The following OSBPL6 variants were observed in gnomAD, a reference collection of about 807,000 sequenced individuals.
OSBPL6 encodes the protein oxysterol binding protein like 6.
A neutral mutation model predicts 125.8 loss-of-function variants in OSBPL6; 49 were observed. The ratio of observed to expected loss-of-function variants is 0.39; its 90% confidence interval spans 0.31 to 0.49. OSBPL6 has a LOEUF of 0.49. OSBPL6 is among the 20% of genes least tolerant of loss of function. OSBPL6 has a pLI of 0.88. For synonymous variants in OSBPL6, 394 were observed against 391.8 expected, an observed-to-expected ratio of 1.01 and a Z score of -0.07; for missense variants, 986 against 1,135.4, an observed-to-expected ratio of 0.87 and a Z score of 1.89.
intron 9 of OSBPL6, among the ~76,000 whole-genome samples, chr2:178,337,572 T>A (rs1689801382): frequency 6.6e-6 from 1 of 152,212 alleles, no homozygotes; most frequent in Admixed American, 6.5e-5. Context: ...CAGTAAGTAT[T>A]TCTTAGAGAC....
At chr2:178,390,796 C>T (rs994832937) in intron 21 of OSBPL6, among the ~76,000 whole-genome samples, 2 of 152,142 alleles carry the variant, frequency 1.3e-5, no homozygotes, top group African/African-American at 4.8e-5. Context: ...AAAAAAATTG[C>T]TAGCTTAGAA....
chr2:178,378,514 A>G (rs1694100995), intron 15 of OSBPL6, among the ~76,000 whole-genome samples: 1 of 152,220 alleles, frequency 6.6e-6, no homozygotes, highest in Non-Finnish European at 1.5e-5. Flanking sequence ...TGCTTCCACA[A>G]TAATCTATTT....
chr2:178,275,647 G>A (rs1376291866), intron 1 of OSBPL6, among the ~76,000 whole-genome samples: 3 of 151,994 alleles, frequency 2.0e-5, no homozygotes, highest in African/African-American at 4.8e-5. Context: ...TTGAGGAGAC[G>A]GATTGAGTAG....
At chr2:178,288,588 G>C (rs1364661750) in intron 2 of OSBPL6, among the ~76,000 whole-genome samples, 1 of 151,720 alleles carries the variant, frequency 6.6e-6, no homozygotes, top group Non-Finnish European at 1.5e-5. Context: ...GGGAAAAAAA[G>C]GAGTATACTG....
chr2:178,236,495 G>A (rs1406857856), intron 1 of OSBPL6, among the ~76,000 whole-genome samples: 2 of 152,194 alleles, frequency 1.3e-5, no homozygotes, highest in Admixed American at 1.3e-4. Context: ...GTGTGGGCCT[G>A]CTACCCCTGG....
At position 178,256,166 on chromosome 2, in the gene OSBPL6, C is replaced by G. The variant is rs539895924; in HGVS notation, c.-350-28761C>G. 5.3e-5 allele frequency among the ~76,000 whole-genome samples: 8 copies of G among 152,198 alleles called. No homozygotes were observed. The South Asian group carries it at 1.7e-3, about 32-fold the overall frequency. ...TGTGCAGTTCTGTGATGAATTAGAA[C>G]AAAAAACAAGTTGGTGTTTAGAGAA... On this transcript the variant is annotated intron_variant, in intron 1 of 24. Coordinates refer to ENST00000190611, the MANE Select transcript of OSBPL6 (RefSeq NM_032523.4).
chr2:178,336,554 C>T, intron 9 of OSBPL6, 121 bp downstream of exon 9: 2 of 1,149,508 alleles, frequency 1.7e-6, no homozygotes, highest in East Asian at 2.4e-5. Context: ...CTTGACCTTT[C>T]CTTGCTCTTT....
At chr2:178,289,418 C>T (rs1278856604) in intron 2 of OSBPL6, among the ~76,000 whole-genome samples, 1 of 152,204 alleles carries the variant, frequency 6.6e-6, no homozygotes, top group Non-Finnish European at 1.5e-5. Context: ...CGCACACACT[C>T]AGATTCATCT....
intron 16 of OSBPL6, 58 bp downstream of exon 16, chr2:178,382,565 G>T (rs1471453518): frequency 6.2e-7 from 1 of 1,609,190 alleles, no homozygotes; most frequent in Admixed American, 1.7e-5. Context: ...GCAACACGAA[G>T]ACTTAATGAA....
At chr2:178,210,987 G>A (rs905276643) in intron 1 of OSBPL6, among the ~76,000 whole-genome samples, 2 of 152,036 alleles carry the variant, frequency 1.3e-5, no homozygotes, top group African/African-American at 4.8e-5. Flanking sequence ...GATAGAGCAA[G>A]ATATAAAATC....
chr2:178,196,202 A>G (rs561008353), intron 1 of OSBPL6, among the ~76,000 whole-genome samples: 23 of 152,346 alleles, frequency 1.5e-4, no homozygotes, highest in African/African-American at 5.3e-4. Context: ...TAATTCAGCA[A>G]TAATCACCTA....
At chr2:178,234,520 T>A (rs1275896998) in intron 1 of OSBPL6, among the ~76,000 whole-genome samples, 1 of 152,218 alleles carries the variant, frequency 6.6e-6, no homozygotes, top group African/African-American at 2.4e-5. Flanking sequence ...TACATTTCAC[T>A]GTTTCCCCCA....
intron 12 of OSBPL6, among the ~76,000 whole-genome samples, chr2:178,349,906 C>T (rs1395681760): frequency 6.6e-6 from 1 of 152,206 alleles, no homozygotes; most frequent in East Asian, 1.9e-4. Context: ...GGTAGCTTCC[C>T]TCCTGTGCCT....
intron 1 of OSBPL6, among the ~76,000 whole-genome samples, chr2:178,222,473 C>G (rs2090381209): frequency 6.6e-6 from 1 of 152,140 alleles, no homozygotes; most frequent in Non-Finnish European, 1.5e-5. Flanking sequence ...GAAACCCCGT[C>G]TCTACTAAAA....
chr2:178,326,435 GCT>G (rs1377031277), intron 4 of OSBPL6, among the ~76,000 whole-genome samples: 1 of 152,080 alleles, frequency 6.6e-6, no homozygotes, highest in Non-Finnish European at 1.5e-5. Flanking sequence ...ATGGCTTTTA[GCT>G]CTGTTATAAG....
chr2:178,295,676 G>C (rs1194969999), intron 2 of OSBPL6, among the ~76,000 whole-genome samples: 1 of 152,258 alleles, frequency 6.6e-6, no homozygotes, highest in Admixed American at 6.5e-5. Context: ...TGGAAGTCCT[G>C]TGGGCTCATG....
At chr2:178,300,067 A>G (rs1024018001) in intron 2 of OSBPL6, among the ~76,000 whole-genome samples, 1 of 152,254 alleles carries the variant, frequency 6.6e-6, no homozygotes, top group Non-Finnish European at 1.5e-5. Context: ...TACAATGTCA[A>G]ACTATAGAGG....
At chr2:178,295,380 A>T (rs1302368561) in intron 2 of OSBPL6, among the ~76,000 whole-genome samples, 1 of 152,222 alleles carries the variant, frequency 6.6e-6, no homozygotes, top group Non-Finnish European at 1.5e-5. Flanking sequence ...CCAAATATGC[A>T]GCCTGTTATT....
At chr2:178,268,026 G>T (rs538583201) in intron 1 of OSBPL6, among the ~76,000 whole-genome samples, 9 of 152,188 alleles carry the variant, frequency 5.9e-5, no homozygotes, top group African/African-American at 1.9e-4. Context: ...ACTGATTCAA[G>T]GCTGGAGAAC....
Sources: allele counts gnomAD v4.1 joint callset (sites outside exome capture counted in the v4.1 genomes callset), GRCh38; gene constraint gnomAD v4.1.1; transcripts MANE v1.5; gene names NCBI Gene and HGNC (gene_info 2026-07-23, HGNC 2026-07-21).